Variants in CGAS observed in about 807,000 individuals in gnomAD.
The protein encoded by CGAS is 2'3'-cGAMP synthase.
Under a neutral mutation model 34.0 loss-of-function variants are expected in CGAS, and 31 were observed. The observed-to-expected ratio is 0.91, with a 90% CI of 0.69 to 1.23. The LOEUF (loss-of-function observed/expected upper bound fraction) is 1.23, where lower values mean the gene tolerates loss of function less well. CGAS is among the 50% of genes most tolerant of loss of function. CGAS has a pLI of 0.00. For missense variants in CGAS, 597 were observed against 657.6 expected, an observed-to-expected ratio of 0.91 and a Z score of 1.01; for synonymous variants, 266 against 260.0, an observed-to-expected ratio of 1.02 and a Z score of -0.22.
At chr6:73,435,180 G>A (rs549198819) in intron 3 of CGAS, among the ~76,000 whole-genome samples, 1 of 152,080 alleles carries the variant, frequency 6.6e-6, no homozygotes, top group South Asian at 2.1e-4. Flanking sequence ...AAACCCCAGG[G>A]GAATGGGTAT....
intron 3 of CGAS, among the ~76,000 whole-genome samples, chr6:73,429,489 G>A (rs59021418): frequency 0.12 from 17,988 of 151,816 alleles, 1,983 homozygotes; most frequent in African/African-American, 0.29. Context: ...AAATGAATTG[G>A]GGACCATTTC....
chr6:73,443,490 G>A lies in CGAS; in HGVS notation c.877+2038C>T, dbSNP rs1206287224. 4.6e-5 allele frequency among the ~76,000 whole-genome samples: 7 copies of A among 151,892 alleles called. No individual in the cohort carries two copies. In the East Asian group the frequency reaches 1.2e-3, roughly 25 times the overall value. ...CCTGACCTCGTGATCCACCCGCCTC[G>A]GCCTCCCAAAGTGTTGGGATTACAG... On this transcript the variant is annotated intron_variant, in intron 2 of 4. Coordinates refer to ENST00000370315, the MANE Select transcript of CGAS (RefSeq NM_138441.3).
At chr6:73,437,673 G>C (rs1024625699) in intron 3 of CGAS, among the ~76,000 whole-genome samples, 8 of 152,110 alleles carry the variant, frequency 5.3e-5, no homozygotes, top group Non-Finnish European at 1.0e-4. Flanking sequence ...CAAAAAAACT[G>C]CAAGTAAATC....
At chr6:73,440,908 G>GAAAAAAA (rs113526694) in intron 2 of CGAS, among the ~76,000 whole-genome samples, 1 of 143,946 alleles carries the variant, frequency 6.9e-6, no homozygotes, top group Non-Finnish European at 1.6e-5. Context: ...TCTCAAAAAA[G>GAAAAAAA]AAAAAAAAAC....
At chr6:73,431,674 T>C (rs1229018878) in intron 3 of CGAS, among the ~76,000 whole-genome samples, 3 of 152,002 alleles carry the variant, frequency 2.0e-5, no homozygotes, top group East Asian at 3.9e-4. Flanking sequence ...AAGTTATGAG[T>C]TAAAAGAGAT....
At chr6:73,447,926 T>A (rs1770496051) in intron 1 of CGAS, among the ~76,000 whole-genome samples, 1 of 152,246 alleles carries the variant, frequency 6.6e-6, no homozygotes, top group South Asian at 2.1e-4. Context: ...CACATAACGA[T>A]TTCATCACTC....
At position 73,452,036 on chromosome 6, in the gene CGAS, C is replaced by G; in HGVS notation, c.146G>C (p.Gly49Ala). 6.7e-7 allele frequency: 1 copy of G among 1,497,630 alleles called. No homozygotes were observed. The highest frequency in any genetic ancestry group is 8.9e-7 in the Non-Finnish European group (1 of 1,121,826). 92.8% of individuals were successfully genotyped at this position (1,497,630 alleles called of 1,614,324 possible). A position where few individuals can be genotyped will look rare whatever the true frequency, so the allele number is the denominator to read the frequency against. The change falls in exon 1 of 5, where the codon GGA (glycine) becomes GCA (alanine). Residue 49 changes from glycine to alanine, a missense_variant. Physicochemically the swap from Gly to Ala is moderately conservative, Grantham distance 60. Transcript: ENST00000370315. ...AAPEAALPKA[G>A]KFGPARKSGS... ...CGACTTCCTGGCGGGGCCGAACTTT[C>G]CCGCCTTAGGCAGGGCGGCCTCGGG...
intron 3 of CGAS, among the ~76,000 whole-genome samples, chr6:73,433,342 A>C (rs1770223649): frequency 6.6e-6 from 1 of 151,798 alleles, no homozygotes; most frequent in Non-Finnish European, 1.5e-5. Context: ...GCTCACTGTA[A>C]CCTCGAACTC....
intron 2 of CGAS, among the ~76,000 whole-genome samples, chr6:73,443,652 A>G (rs368488101): frequency 7.9e-5 from 12 of 152,270 alleles, no homozygotes; most frequent in East Asian, 7.7e-4. Flanking sequence ...CTTCTTCACA[A>G]CAGCACTTAC....
intron 4 of CGAS, among the ~76,000 whole-genome samples, chr6:73,426,281 C>CAAAAT (rs566739528): frequency 0.022 from 3,191 of 144,776 alleles, 72 homozygotes; most frequent in South Asian, 0.072. Context: ...GACTCCATCT[C>CAAAAT]AAAATAAAAT....
intron 3 of CGAS, among the ~76,000 whole-genome samples, chr6:73,432,942 G>A (rs1222638658): frequency 1.3e-5 from 2 of 152,094 alleles, no homozygotes; most frequent in Non-Finnish European, 2.9e-5. Context: ...AAACTAGCCA[G>A]ACACGGTGGT....
In CGAS at chr6:73,451,788, G is replaced by C. The variant is rs527795978; in HGVS notation, c.394C>G (p.Pro132Ala). The C allele has an allele frequency of 9.6e-5, 152 of 1,580,802 alleles. No homozygotes were observed. In the African/African-American group the frequency reaches 1.1e-3, roughly 12 times the overall value. ...TCCCAGGGCCCGGGCGGAGGTCTTGGCTTCGTGGAGCAGCGCGCGCCCCTC... is the reference window on the plus strand; with the variant it reads ...TCCCAGGGCCCGGGCGGAGGTCTTGCCTTCGTGGAGCAGCGCGCGCCCCTC... ...RQRGARCSTK[P>A]RPPPGPWDVP... The change falls in exon 1 of 5, where the codon CCA (proline) becomes GCA (alanine). Residue 132 changes from proline (P) to alanine (A), a missense_variant. Pro to Ala is a conservative substitution (Grantham distance 27, BLOSUM62 -1). Around this residue, in one of 3 missense-constraint regions of CGAS, gnomAD observed 321 missense variants for 314.3 expected, o/e 1.02. Coordinates refer to ENST00000370315, the MANE Select transcript of CGAS (RefSeq NM_138441.3).
chr6:73,427,134 GC>G (rs1562290145), intron 4 of CGAS, among the ~76,000 whole-genome samples: 1 of 150,882 alleles, frequency 6.6e-6, no homozygotes, highest in African/African-American at 2.4e-5. Context: ...ACAGGCGTGA[GC>G]CACTGTGCCT....
chr6:73,427,822 A>T (rs1487537405), intron 4 of CGAS, among the ~76,000 whole-genome samples: 6 of 151,668 alleles, frequency 4.0e-5, no homozygotes, highest in Admixed American at 2.0e-4. Flanking sequence ...AATAAAAAAA[A>T]TTTTTTTTGA....
At chr6:73,441,385 A>T (rs575927605) in intron 2 of CGAS, among the ~76,000 whole-genome samples, 1 of 152,280 alleles carries the variant, frequency 6.6e-6, no homozygotes, top group Non-Finnish European at 1.5e-5. Context: ...GTGCCACGGC[A>T]GCACAGAGGT....
chr6:73,428,789 G>A lies in CGAS; in HGVS notation c.1137C>T (p.Phe379=), dbSNP rs748312434. 1.2e-6 allele frequency: 2 copies of A among 1,613,642 alleles called. No individual in the cohort carries two copies. The highest frequency in any genetic ancestry group is 3.3e-5 in the Admixed American group (2 of 59,916). The change falls in exon 4 of 5, where the codon TTC becomes TTT. Residue 379 remains phenylalanine, a synonymous_variant. Transcript: ENST00000370315. ...TCAAAATTTCCTTTTCGATGTGAGA[G>A]AAGGATAGCCGCCATGTTTCTTCTT... ...GFQEETWRLS[F]SHIEKEILNN...
chr6:73,436,337 T>A (rs1043428817), intron 3 of CGAS, among the ~76,000 whole-genome samples: 3 of 149,766 alleles, frequency 2.0e-5, no homozygotes, highest in Admixed American at 2.0e-4. Flanking sequence ...TTACCTGACT[T>A]CTTTATCTTA....
chr6:73,435,423 T>A (rs1047679042), intron 3 of CGAS, among the ~76,000 whole-genome samples: 34 of 152,190 alleles, frequency 2.2e-4, no homozygotes, highest in Non-Finnish European at 4.1e-4. Flanking sequence ...CAAATTGGAA[T>A]GATGCCTATG....
Position 73,424,666 on chromosome 6 carries a change from T to G in CGAS, c.*561A>C, listed in dbSNP as rs1770055691. ...TCCTTGACTAATCTTTTTCCTAGGA[T>G]AGTCAATCCTTTATACTGATTAGAG... On this transcript the variant is annotated 3_prime_UTR_variant, in exon 5 of 5. Transcript: ENST00000370315. The G allele has an allele frequency of 6.6e-6, 1 of 152,140 alleles. No homozygotes were observed. The highest frequency in any genetic ancestry group is 1.5e-5 in the Non-Finnish European group (1 of 68,024). The allele number at this position is 152,140 out of a possible 1,614,324, so 9.4% of individuals were successfully genotyped here. A position where few individuals can be genotyped will look rare whatever the true frequency, so the allele number is the denominator to read the frequency against.
Sources: allele counts gnomAD v4.1 joint callset (sites outside exome capture counted in the v4.1 genomes callset), GRCh38; gene constraint gnomAD v4.1.1; regional missense constraint gnomAD v4.1.1; transcripts MANE v1.5; gene names NCBI Gene and HGNC (gene_info 2026-07-23, HGNC 2026-07-21).